PRKAR2B: variants seen among roughly 807,000 people sequenced by gnomAD.
The protein encoded by PRKAR2B is cAMP-dependent protein kinase type II-beta regulatory subunit.
PRKAR2B carries 14 observed loss-of-function variants against 49.9 expected under a neutral mutation model. That is an observed-to-expected ratio of 0.28 (90% CI 0.19 to 0.44). The LOEUF (loss-of-function observed/expected upper bound fraction) is 0.44, where lower values mean the gene tolerates loss of function less well. PRKAR2B is among the 20% of genes least tolerant of loss of function. PRKAR2B has a pLI of 1.00. For missense variants in PRKAR2B, 393 were observed against 537.9 expected (o/e 0.73, Z 2.67); for synonymous variants, 196 against 197.7 (o/e 0.99, Z 0.07).
At chr7:107,087,529 A>G (rs1484678763) in intron 2 of PRKAR2B, among the ~76,000 whole-genome samples, 1 of 152,208 alleles carries the variant, frequency 6.6e-6, no homozygotes, top group Non-Finnish European at 1.5e-5. Context: ...GTGCAGCTCT[A>G]TATGACGGGC....
intron 7 of PRKAR2B, among the ~76,000 whole-genome samples, chr7:107,151,387 G>C (rs1795983720): frequency 6.6e-6 from 1 of 152,144 alleles, no homozygotes; most frequent in Admixed American, 6.5e-5. Flanking sequence ...CTTCCTCTCA[G>C]TCATCTTTGC....
intron 2 of PRKAR2B, among the ~76,000 whole-genome samples, chr7:107,099,799 T>C (rs1794923355): frequency 6.6e-6 from 1 of 152,044 alleles, no homozygotes; most frequent in Admixed American, 6.6e-5. Flanking sequence ...CATGCCTGGC[T>C]AATTTTTTGT....
At chr7:107,117,129 G>A (rs903734502) in intron 2 of PRKAR2B, among the ~76,000 whole-genome samples, 6 of 147,082 alleles carry the variant, frequency 4.1e-5, no homozygotes, top group African/African-American at 7.6e-5. Context: ...TGTATTGAAC[G>A]TATATCTGTG....
At chr7:107,072,547 TTTTA>T (rs776453258) in intron 2 of PRKAR2B, among the ~76,000 whole-genome samples, 3 of 152,306 alleles carry the variant, frequency 2.0e-5, no homozygotes, top group East Asian at 1.9e-4. Flanking sequence ...CTTCTCTGTA[TTTTA>T]TTTGAGACTT....
chr7:107,083,701 C>T (rs897434394), intron 2 of PRKAR2B, among the ~76,000 whole-genome samples: 24 of 152,230 alleles, frequency 1.6e-4, no homozygotes, highest in African/African-American at 5.8e-4. Flanking sequence ...CAACCTCCGC[C>T]TCCTGGGTTC....
At position 107,054,474 on chromosome 7, in the gene PRKAR2B, C is replaced by A. The variant is rs570099379; in HGVS notation, c.307+9260C>A. ...GTCCTGAATTCTCACTCCCCTCTCC[C>A]TGTCTTTCTGCTAAATCTCACTCTT... On this transcript the variant is annotated intron_variant, in intron 1 of 10. Coordinates refer to ENST00000265717, the MANE Select transcript of PRKAR2B (RefSeq NM_002736.3). Among the ~76,000 whole-genome samples the A allele has an allele frequency of 2.0e-5, 3 of 152,286 alleles. No individual in the cohort carries two copies. The East Asian group carries it at 5.8e-4, about 29-fold the overall frequency.
intron 4 of PRKAR2B, among the ~76,000 whole-genome samples, chr7:107,138,737 G>A (rs538847376): frequency 5.1e-4 from 78 of 152,114 alleles, no homozygotes; most frequent in South Asian, 1.2e-3. Flanking sequence ...AGGCTGGAGC[G>A]CAGTGGTGCG....
intron 2 of PRKAR2B, among the ~76,000 whole-genome samples, chr7:107,110,286 C>T (rs1795148306): frequency 1.3e-5 from 2 of 152,138 alleles, no homozygotes; most frequent in African/African-American, 4.8e-5. Flanking sequence ...AGCCTCACCA[C>T]CTTGGGCTAA....
intron 4 of PRKAR2B, among the ~76,000 whole-genome samples, chr7:107,132,575 A>G (rs1172368993): frequency 6.6e-6 from 1 of 152,142 alleles, no homozygotes; most frequent in African/African-American, 2.4e-5. Context: ...GAATGGTTTC[A>G]CAAAAAAGGG....
chr7:107,047,442 T>G, intron 1 of PRKAR2B, among the ~76,000 whole-genome samples: 1 of 151,094 alleles, frequency 6.6e-6, no homozygotes. Context: ...CTTCTTCAGT[T>G]TTTTTTTTTA....
intron 1 of PRKAR2B, among the ~76,000 whole-genome samples, chr7:107,049,649 G>A (rs1417358827): frequency 6.6e-6 from 1 of 152,020 alleles, no homozygotes; most frequent in Admixed American, 6.6e-5. Context: ...ATTTCATTGT[G>A]TTTTATGGAA....
chr7:107,150,883 A>T (rs999121533), intron 6 of PRKAR2B, 39 bp from the exon 7 acceptor site: 1 of 1,018,970 alleles, frequency 9.8e-7, no homozygotes, highest in African/African-American at 1.7e-5. Context: ...GTATAGCTTT[A>T]CCCCCATAAA....
intron 1 of PRKAR2B, among the ~76,000 whole-genome samples, chr7:107,054,086 CA>C (rs1247206118): frequency 2.0e-5 from 3 of 152,090 alleles, no homozygotes; most frequent in Non-Finnish European, 1.5e-5. Flanking sequence ...TGGTGGCTCA[CA>C]GCCTGTAATC....
At chr7:107,086,745 G>T (rs1347414147) in intron 2 of PRKAR2B, among the ~76,000 whole-genome samples, 1 of 152,018 alleles carries the variant, frequency 6.6e-6, no homozygotes, top group Non-Finnish European at 1.5e-5. Context: ...TTAGGCATGC[G>T]CCCCCTCACC....
At chr7:107,137,902 A>T (rs1211786745) in intron 4 of PRKAR2B, among the ~76,000 whole-genome samples, 1 of 151,840 alleles carries the variant, frequency 6.6e-6, no homozygotes. Context: ...ACATTATTTC[A>T]TCCTAGTGTG....
intron 2 of PRKAR2B, among the ~76,000 whole-genome samples, chr7:107,092,852 C>T (rs1289027223): frequency 1.3e-5 from 2 of 152,172 alleles, no homozygotes; most frequent in African/African-American, 4.8e-5. Flanking sequence ...AACTGAAACT[C>T]CGTACCTGTT....
At chr7:107,093,716 G>T (rs542714985) in intron 2 of PRKAR2B, among the ~76,000 whole-genome samples, 21 of 144,444 alleles carry the variant, frequency 1.5e-4, no homozygotes, top group Non-Finnish European at 2.7e-4. Context: ...CTGTGTCCAA[G>T]TGTTCTCATT....
chr7:107,076,691 A>C (rs1224124018), intron 2 of PRKAR2B, among the ~76,000 whole-genome samples: 1 of 152,102 alleles, frequency 6.6e-6, no homozygotes, highest in Non-Finnish European at 1.5e-5. Context: ...CCACTCTTTA[A>C]TTTTTTGCCA....
At chr7:107,048,897 C>A (rs888047638) in intron 1 of PRKAR2B, among the ~76,000 whole-genome samples, 1 of 152,140 alleles carries the variant, frequency 6.6e-6, no homozygotes, top group Non-Finnish European at 1.5e-5. Context: ...TTATGGTGAC[C>A]CTTTCTAGGG....
Sources: allele counts gnomAD v4.1 joint callset (sites outside exome capture counted in the v4.1 genomes callset), GRCh38; gene constraint gnomAD v4.1.1; transcripts MANE v1.5; gene names NCBI Gene and HGNC (gene_info 2026-07-23, HGNC 2026-07-21).